TTN: variants seen among roughly 807,000 people sequenced by gnomAD.
The protein encoded by TTN is connectin.
In TTN, 1,525 loss-of-function variants were observed where a neutral mutation model predicts 3,223.0. The observed-to-expected ratio is 0.47, with a 90% confidence interval of 0.45 to 0.49. The LOEUF (loss-of-function observed/expected upper bound fraction) is 0.49. Ranked by LOEUF, TTN falls within the 20% of genes least tolerant of loss-of-function variation. TTN has a pLI of 0.00. For missense variants in TTN, 40,786 were observed against 43,424.0 expected (o/e 0.94, Z 5.40); for synonymous variants, 14,094 against 15,161.0 (o/e 0.93, Z 5.17).
In TTN at chr2:178,553,131, A is replaced by G; in HGVS notation, c.89769T>C (p.Ser29923=). 1 of 1,612,426 alleles carries G rather than the reference A, an allele frequency of 6.2e-7. No homozygotes were observed. Among genetic ancestry groups the G allele is most frequent in the Non-Finnish European group, 8.5e-7 (1 of 1,178,664 alleles). The change falls in exon 335 of 363, where the codon TCT becomes TCC. Residue 29923 remains serine, a synonymous_variant. Transcript: ENST00000589042. ...CAAGCACTTTAACACTCACAGTTGA[A>G]GACTTAGGTTCACCAACTCCATTTT... ...TIENGVGEPK[S]STVSVKVLDT...
intron 236 of TTN, 64 bp downstream of exon 236, chr2:178,632,083 A>C: frequency 1.4e-6 from 2 of 1,469,886 alleles, no homozygotes; most frequent in Non-Finnish European, 1.8e-6. Context: ...ATTTTATAGA[A>C]TAGATACTCC....
chr2:178,578,899 C>T lies in TTN; in HGVS notation c.68131G>A (p.Gly22711Ser). Reference protein sequence around the residue: ...TTFRVTRLHEGMEYTFRVSAE... With the variant: ...TTFRVTRLHESMEYTFRVSAE... The stretch of plus-strand genomic sequence containing the variant: ...CTGACCCTGAAGGTATATTCCATGC[C>T]CTCATGAAGTCTGGTTACTCTAAAG... The change falls in exon 320 of 363, where the codon GGC becomes AGC. Residue 22711 changes from glycine (G) to serine (S), a missense_variant. Physicochemically the swap from Gly to Ser is moderately conservative, Grantham distance 56. Transcript: ENST00000589042. The T allele has an allele frequency of 6.2e-7, 1 of 1,613,266 alleles. No individual in the cohort carries two copies. The highest frequency in any genetic ancestry group is 8.5e-7 in the Non-Finnish European group (1 of 1,179,448).
chr2:178,695,364 T>G lies in TTN; in HGVS notation c.31254A>C (p.Ala10418=). The G allele has an allele frequency of 6.2e-7, 1 of 1,612,282 alleles. No individual in the cohort carries two copies. Among genetic ancestry groups the G allele is most frequent in the Non-Finnish European group, 8.5e-7 (1 of 1,178,646 alleles). The change falls in exon 115 of 363, where the codon GCA becomes GCC. Residue 10418 remains alanine, a synonymous_variant. Coordinates refer to ENST00000589042, the MANE Select transcript of TTN (RefSeq NM_001267550.2). ...KVPAKVPEKK[A]PPPPKVIKKP... is the part of the protein sequence containing the mutation. ...ATTACTTACCTTTAGGAGGTGGTGG[T>G]GCTTTCTTTTCAGGTACTTTGGCTG...
Position 178,592,102 on chromosome 2 carries a change from CTT to C in TTN, c.59800_59801del (p.Lys19934GlufsTer5), listed in dbSNP as rs2050341572. On this transcript the variant is annotated frameshift_variant, in exon 302 of 363. Transcript: ENST00000589042. LOFTEE classifies it high-confidence loss of function. ...WSPLSATSKK[K>X]SHFAKHLNEG... The stretch of plus-strand genomic sequence containing the variant: ...CATTCAGATGCTTAGCGAAGTGACT[CTT>C]TTTCTTTGATGTAGCTGAGAGAGGT... 6.2e-7 allele frequency: 1 copy of C among 1,612,830 alleles called. No individual in the cohort carries two copies. Among genetic ancestry groups the C allele is most frequent in the Non-Finnish European group, 8.5e-7 (1 of 1,179,500 alleles).
chr2:178,650,933 G>T, intron 208 of TTN, 99 bp from the exon 209 acceptor site: 4 of 1,272,072 alleles, frequency 3.1e-6, no homozygotes, highest in Non-Finnish European at 4.4e-6. Flanking sequence ...CCCAGGGACA[G>T]ATCCAAGAAC....
At chr2:178,527,862 A>C in intron 361 of TTN, 114 bp from the exon 362 acceptor site, 1 of 1,004,070 alleles carries the variant, frequency 1.0e-6, no homozygotes, top group Non-Finnish European at 1.4e-6. Context: ...GCATAACCCA[A>C]ACAATTTGCT....
chr2:178,581,430 A>C (rs2047717218), intron 316 of TTN, 69 bp downstream of exon 316: 4 of 1,327,970 alleles, frequency 3.0e-6, no homozygotes, highest in African/African-American at 1.5e-5. Flanking sequence ...TACCTAAGGG[A>C]GTTCTAGTCT....
rs1420320976 is a variant in TTN at position 178,591,657 on chromosome 2, G to A, written c.60162C>T (p.Asn20054=). The change falls in exon 303 of 363, where the codon AAC becomes AAT. Residue 20054 remains asparagine (N), a synonymous_variant. Coordinates refer to ENST00000589042, the MANE Select transcript of TTN (RefSeq NM_001267550.2). ...KTYRFRVKAE[N]IVGLGLPDTT... The stretch of plus-strand genomic sequence containing the variant: ...TGTCAGGGAGACCAAGACCCACAAT[G>A]TTTTCAGCTTTTACACGGAATCTAT... 2 of 1,613,336 alleles carry A rather than the reference G, an allele frequency of 1.2e-6. No individual in the cohort carries two copies. Among genetic ancestry groups the A allele is most frequent in the African/African-American group, 1.3e-5 (1 of 74,892 alleles).
intron 49 of TTN, 154 bp downstream of exon 49, chr2:178,737,928 A>G (rs181361511): frequency 7.1e-4 from 581 of 814,128 alleles, no homozygotes; most frequent in Non-Finnish European, 9.1e-4. Flanking sequence ...TTCTTATCCC[A>G]TATAGGCTCT....
At position 178,682,904 on chromosome 2, in the gene TTN, C is replaced by T. The variant is rs1369388840; in HGVS notation, c.32888-1G>A. ...TCTTTCTCTTCCATTATAGTTACTT[C>T]TGAAACAATATTAACAACAGGCAGC... On this transcript the variant is annotated splice_acceptor_variant, in intron 134 of 362. Coordinates refer to ENST00000589042, the MANE Select transcript of TTN (RefSeq NM_001267550.2). LOFTEE classifies it high-confidence loss of function. 6.3e-7 allele frequency: 1 copy of T among 1,594,750 alleles called. No individual in the cohort carries two copies. The highest frequency in any genetic ancestry group is 8.5e-7 in the Non-Finnish European group (1 of 1,171,766).
In TTN at chr2:178,764,658, T is replaced by A. The variant is rs200052398; in HGVS notation, c.9857A>T (p.Lys3286Ile). Residue 3286 changes from lysine (K) to isoleucine (I), a missense_variant, in exon 42 of 363, where the codon AAA (lysine) becomes ATA (isoleucine). Coordinates refer to ENST00000589042, the MANE Select transcript of TTN (RefSeq NM_001267550.2). The stretch of plus-strand genomic sequence containing the variant: ...GTATTCTTGCCCATCATGAAGAAAT[T>A]TGCACTTGAAGCCAGTGGAAAGCAG... Reference protein sequence around the residue: ...EQLLSTGFKCKFLHDGQEYTL... With the variant: ...EQLLSTGFKCIFLHDGQEYTL... 6.2e-7 allele frequency: 1 copy of A among 1,614,026 alleles called. No homozygotes were observed. The highest frequency in any genetic ancestry group is 1.7e-5 in the Admixed American group (1 of 60,010).
At chr2:178,630,420 T>C in intron 238 of TTN, 53 bp from the exon 239 acceptor site, 1 of 1,534,030 alleles carries the variant, frequency 6.5e-7, no homozygotes, top group East Asian at 2.4e-5. Context: ...CTTTGAAATT[T>C]TGTTCTAAGG....
chr2:178,700,068 C>G (rs746408744), intron 111 of TTN, among the ~76,000 whole-genome samples: 26 of 152,082 alleles, frequency 1.7e-4, no homozygotes, highest in Non-Finnish European at 3.2e-4. Flanking sequence ...CAGTGAGTAC[C>G]AAACTTAGCC....
chr2:178,734,740 T>C lies in TTN; in HGVS notation c.15184A>G (p.Ser5062Gly), dbSNP rs778610579. The change falls in exon 51 of 363, where the codon AGT becomes GGT. Residue 5062 changes from serine (S) to glycine (G), a missense_variant. Physicochemically the swap from Ser to Gly is moderately conservative, Grantham distance 56. Coordinates refer to ENST00000589042, the MANE Select transcript of TTN (RefSeq NM_001267550.2). ...ACTATTTCAGTACTGCAGCTATCAC[T>C]GCCGACGTCATTCACTGCTTCACAT... ...YSCEAVNDVG[S>G]DSCSTEIVIK... The C allele has an allele frequency of 4.3e-6, 7 of 1,613,056 alleles. No individual in the cohort carries two copies. Among genetic ancestry groups the C allele is most frequent in the Admixed American group, 1.7e-5 (1 of 60,002 alleles).
rs878953621 is a variant in TTN at position 178,604,191 on chromosome 2, G to A, written c.54496C>T (p.Leu18166Phe). The change falls in exon 282 of 363, where the codon CTT becomes TTT. Residue 18166 changes from leucine to phenylalanine, a missense_variant. Transcript: ENST00000589042. ...DKVVIQDPYR[L>F]PGPPGKPKVL... ...TTTGGTTTTCCTGGAGGTCCAGGAA[G>A]GCGATAAGGATCTTGAATGACTACT... 1 of 1,611,964 alleles carries A rather than the reference G, an allele frequency of 6.2e-7. No individual in the cohort carries two copies. Among genetic ancestry groups the A allele is most frequent in the African/African-American group, 1.3e-5 (1 of 74,916 alleles).
chr2:178,597,865 T>G (rs780035879), intron 293 of TTN, 43 bp downstream of exon 293: 1 of 1,612,438 alleles, frequency 6.2e-7, no homozygotes, highest in South Asian at 1.1e-5. Flanking sequence ...CCCTTCAATC[T>G]GAAACATAAA....
At position 178,739,901 on chromosome 2, in the gene TTN, A is replaced by T; in HGVS notation, c.13332T>A (p.Leu4444=). Residue 4444 remains leucine, a synonymous_variant, in exon 48 of 363, where the codon CTT becomes CTA. Coordinates refer to ENST00000589042, the MANE Select transcript of TTN (RefSeq NM_001267550.2). ...QEPRHIMCMY[L]VTSAKSVTEE... is the part of the protein sequence containing the mutation. ...CTGTTACAGACTTTGCCGAAGTAAC[A>T]AGGTACATGCACATGATGTGTCTGG... 1.2e-6 allele frequency: 2 copies of T among 1,613,894 alleles called. No homozygotes were observed. Among genetic ancestry groups the T allele is most frequent in the African/African-American group, 2.7e-5 (2 of 75,052 alleles).
Position 178,733,486 on chromosome 2 carries a change from C to T in TTN, c.15807G>A (p.Leu5269=), listed in dbSNP as rs1291505269. 6.2e-7 allele frequency: 1 copy of T among 1,611,914 alleles called. No homozygotes were observed. Among genetic ancestry groups the T allele is most frequent in the African/African-American group, 1.3e-5 (1 of 74,850 alleles). ...EPAKIIERAE[L]IQVTAGDPAT... is the part of the protein sequence containing the mutation. ...CGGGATCTCCTGCTGTCACCTGGAT[C>T]AGTTCTGCTCGCTCAATGATTTTGG... is the stretch of plus-strand genomic sequence containing the variant. The change falls in exon 54 of 363, where the codon CTG becomes CTA. Residue 5269 remains leucine (L), a synonymous_variant. Coordinates refer to ENST00000589042, the MANE Select transcript of TTN (RefSeq NM_001267550.2).
rs759703630 is a variant in TTN at position 178,777,708 on chromosome 2, A to G, written c.4476T>C (p.His1492=). The change falls in exon 25 of 363, where the codon CAT becomes CAC. Residue 1492 remains histidine, a synonymous_variant. Transcript: ENST00000589042. The part of the protein sequence containing the change: ...GRPMPETFWF[H]DGQQIVNDYT... ...GCAAAAACTTATCACGCTTACCATC[A>G]TGAAACCAGAACGTCTCTGGCATAG... The G allele has an allele frequency of 6.2e-7, 1 of 1,614,098 alleles. No individual in the cohort carries two copies. Among genetic ancestry groups the G allele is most frequent in the South Asian group, 1.1e-5 (1 of 91,090 alleles).
Sources: allele counts gnomAD v4.1 joint callset (sites outside exome capture counted in the v4.1 genomes callset), GRCh38; gene constraint gnomAD v4.1.1; transcripts MANE v1.5; gene names NCBI Gene and HGNC (gene_info 2026-07-23, HGNC 2026-07-21).